The following PTPRD variants were observed in gnomAD, a reference collection of about 807,000 sequenced individuals.
The protein encoded by PTPRD is receptor-type tyrosine-protein phosphatase delta.
Under a neutral mutation model 214.5 loss-of-function variants are expected in PTPRD, and 34 were observed. That is an observed-to-expected ratio of 0.16 (90% confidence interval 0.12 to 0.21). The LOEUF (loss-of-function observed/expected upper bound fraction) is 0.21. PTPRD is among the 10% of genes least tolerant of loss of function. The pLI, the probability that PTPRD is intolerant of heterozygous loss-of-function variation, is 1.00. For synonymous variants in PTPRD, 1,128 were observed against 845.7 expected (o/e 1.33, Z -5.79); for missense variants, 2,545 against 2,398.7 (o/e 1.06, Z -1.27).
intron 3 of PTPRD, among the ~76,000 whole-genome samples, chr9:10,196,795 A>G (rs2099400081): frequency 6.6e-6 from 1 of 151,906 alleles, no homozygotes; most frequent in Non-Finnish European, 1.5e-5. Flanking sequence ...CCTAACCTGT[A>G]AAGTGATAGT....
intron 21 of PTPRD, among the ~76,000 whole-genome samples, chr9:8,510,021 C>T (rs1309722474): frequency 6.6e-6 from 1 of 152,146 alleles, no homozygotes; most frequent in East Asian, 1.9e-4. Context: ...TGGTAACTCA[C>T]ATCTGTAACC....
At chr9:8,603,459 T>C (rs1379339451) in intron 14 of PTPRD, among the ~76,000 whole-genome samples, 2 of 152,230 alleles carry the variant, frequency 1.3e-5, no homozygotes. Context: ...TTTGTAACAC[T>C]GGAGCTACAT....
chr9:9,849,122 A>C (rs530597592), intron 5 of PTPRD, among the ~76,000 whole-genome samples: 1 of 151,912 alleles, frequency 6.6e-6, no homozygotes, highest in Non-Finnish European at 1.5e-5. Context: ...CTTAAAAAAT[A>C]AAGTTGTTGA....
chr9:9,308,265 C>A (rs1402081306), intron 9 of PTPRD, among the ~76,000 whole-genome samples: 2 of 152,142 alleles, frequency 1.3e-5, no homozygotes, highest in East Asian at 3.9e-4. Flanking sequence ...ATTTTCAGAT[C>A]ATTCATGATT....
At chr9:8,987,077 T>A (rs1177109366) in intron 11 of PTPRD, among the ~76,000 whole-genome samples, 1 of 152,146 alleles carries the variant, frequency 6.6e-6, no homozygotes, top group African/African-American at 2.4e-5. Flanking sequence ...GGTTAAGACA[T>A]CACTGGAATT....
chr9:8,878,990 T>C (rs1463776128), intron 11 of PTPRD, among the ~76,000 whole-genome samples: 1 of 152,240 alleles, frequency 6.6e-6, no homozygotes, highest in Admixed American at 6.5e-5. Context: ...CAGGCTTTCC[T>C]GGTCAGTAAC....
chr9:9,913,745 C>G (rs2079884932), intron 5 of PTPRD, among the ~76,000 whole-genome samples: 1 of 152,194 alleles, frequency 6.6e-6, no homozygotes, highest in African/African-American at 2.4e-5. Context: ...ACAGTCCACA[C>G]AAACCCTGAA....
At chr9:9,239,140 T>C (rs997963686) in intron 9 of PTPRD, among the ~76,000 whole-genome samples, 2 of 151,660 alleles carry the variant, frequency 1.3e-5, no homozygotes, top group Non-Finnish European at 2.9e-5. Flanking sequence ...TTATCTTTTA[T>C]CTTCACTAGA....
intron 9 of PTPRD, among the ~76,000 whole-genome samples, chr9:9,187,272 G>T (rs10759050): frequency 0.35 from 53,325 of 151,790 alleles, 10,153 homozygotes; most frequent in Non-Finnish European, 0.43. Flanking sequence ...ATTTCATTAG[G>T]AAGCTTTCAT....
At chr9:9,807,969 T>A (rs755729479) in intron 5 of PTPRD, among the ~76,000 whole-genome samples, 1 of 152,176 alleles carries the variant, frequency 6.6e-6, no homozygotes, top group Non-Finnish European at 1.5e-5. Context: ...CCTCAAAGAA[T>A]GTTTATGTAA....
At chr9:8,954,022 T>C (rs2099118032) in intron 11 of PTPRD, among the ~76,000 whole-genome samples, 1 of 151,960 alleles carries the variant, frequency 6.6e-6, no homozygotes, top group African/African-American at 2.4e-5. Context: ...GAAATCATTC[T>C]ACCAAAAGGA....
intron 2 of PTPRD, among the ~76,000 whole-genome samples, chr9:10,490,926 G>C (rs575475130): frequency 1.3e-5 from 2 of 151,972 alleles, no homozygotes; most frequent in Non-Finnish European, 2.9e-5. Flanking sequence ...TTATAAGTGG[G>C]GTTATAATCA....
intron 3 of PTPRD, among the ~76,000 whole-genome samples, chr9:10,074,065 G>A (rs185325590): frequency 6.6e-5 from 10 of 152,190 alleles, no homozygotes; most frequent in Admixed American, 5.9e-4. Context: ...ACATTACCTT[G>A]TGTAAGCTGT....
chr9:8,756,072 A>G (rs2154471496), intron 11 of PTPRD, among the ~76,000 whole-genome samples: 1 of 152,344 alleles, frequency 6.6e-6, no homozygotes, highest in African/African-American at 2.4e-5. Context: ...AACTTGAAGA[A>G]AGAATCCAAA....
intron 8 of PTPRD, among the ~76,000 whole-genome samples, chr9:9,544,747 T>C (rs143647980): frequency 6.6e-6 from 1 of 151,840 alleles, no homozygotes; most frequent in East Asian, 1.9e-4. Flanking sequence ...CACTAATAGG[T>C]CTAAGCTTTA....
intron 7 of PTPRD, among the ~76,000 whole-genome samples, chr9:9,653,027 T>C (rs529032989): frequency 8.3e-4 from 127 of 152,232 alleles, no homozygotes; most frequent in African/African-American, 3.0e-3. Flanking sequence ...CCCCTATTTT[T>C]CCTTCAAATA....
intron 5 of PTPRD, among the ~76,000 whole-genome samples, chr9:9,865,568 G>C (rs62533749): frequency 3.9e-5 from 6 of 152,090 alleles, no homozygotes; most frequent in Non-Finnish European, 8.8e-5. Context: ...CTCCATAACT[G>C]TAAGAAATTC....
intron 3 of PTPRD, among the ~76,000 whole-genome samples, chr9:10,079,466 G>A (rs1311715766): frequency 2.0e-5 from 3 of 152,060 alleles, no homozygotes; most frequent in African/African-American, 4.8e-5. Context: ...AAGCATCCAG[G>A]CAGGAGGCAC....
chr9:9,194,004 A>G lies in PTPRD; in HGVS notation c.-202-10641T>C, dbSNP rs370168203. On this transcript the variant is annotated intron_variant, in intron 9 of 45. Coordinates refer to ENST00000381196, the MANE Select transcript of PTPRD (RefSeq NM_002839.4). Reference sequence around the variant, plus strand: ...TTGTACAGCTGTACAAAAATATTTTATTTCTTTATACCCTTATCTTACGAG... The same window carrying G: ...TTGTACAGCTGTACAAAAATATTTTGTTTCTTTATACCCTTATCTTACGAG... 1.7e-4 allele frequency among the ~76,000 whole-genome samples: 26 copies of G among 152,240 alleles called. No individual in the cohort carries two copies. The East Asian group carries it at 5.0e-3, about 29-fold the overall frequency.
Sources: allele counts gnomAD v4.1 joint callset (sites outside exome capture counted in the v4.1 genomes callset), GRCh38; gene constraint gnomAD v4.1.1; transcripts MANE v1.5; gene names NCBI Gene and HGNC (gene_info 2026-07-23, HGNC 2026-07-21).